XKR6: variants seen among roughly 807,000 people sequenced by gnomAD.
The protein encoded by XKR6 is XK-related protein 6.
Under a neutral mutation model 56.7 loss-of-function variants are expected in XKR6, and 22 were observed. The observed-to-expected ratio is 0.39, with a 90% CI of 0.28 to 0.55. The LOEUF (loss-of-function observed/expected upper bound fraction) is 0.55, where lower values mean the gene tolerates loss of function less well. Among genes scored for constraint, XKR6 ranks in the 20% least tolerant of loss-of-function variants. The pLI is 0.66. For missense variants in XKR6, 852 were observed against 889.0 expected, an observed-to-expected ratio of 0.96 and a Z score of 0.53; for synonymous variants, 524 against 387.8, an observed-to-expected ratio of 1.35 and a Z score of -4.13.
At chr8:11,173,366 TACACACACAC>T (rs528628983) in intron 1 of XKR6, among the ~76,000 whole-genome samples, 2 of 143,958 alleles carry the variant, frequency 1.4e-5, no homozygotes, top group Non-Finnish European at 3.0e-5. Context: ...TATATATATA[TACACACACAC>T]ACACACACAC....
intron 1 of XKR6, among the ~76,000 whole-genome samples, chr8:11,006,920 G>A (rs1044781023): frequency 6.6e-5 from 10 of 151,178 alleles, no homozygotes; most frequent in South Asian, 2.1e-4. Flanking sequence ...GCCTCAGGGC[G>A]TGAATATGAT....
At chr8:11,079,467 C>T (rs945316142) in intron 1 of XKR6, among the ~76,000 whole-genome samples, 4 of 152,172 alleles carry the variant, frequency 2.6e-5, no homozygotes, top group African/African-American at 9.7e-5. Context: ...TAAAATCTGT[C>T]TATCTGCATA....
chr8:11,145,815 G>T (rs1200975544), intron 1 of XKR6, among the ~76,000 whole-genome samples: 5 of 152,072 alleles, frequency 3.3e-5, no homozygotes. Context: ...CAAAATCCTA[G>T]CACACTGTTT....
At chr8:11,168,675 G>A (rs1418306438) in intron 1 of XKR6, among the ~76,000 whole-genome samples, 1 of 152,180 alleles carries the variant, frequency 6.6e-6, no homozygotes, top group Non-Finnish European at 1.5e-5. Flanking sequence ...TAAAAAGACT[G>A]AAGTCATACA....
chr8:11,000,992 G>C (rs763430045), intron 1 of XKR6, among the ~76,000 whole-genome samples: 1 of 152,094 alleles, frequency 6.6e-6, no homozygotes, highest in Non-Finnish European at 1.5e-5. Context: ...CCCTTCCTCT[G>C]ATTCAGAAGG....
intron 1 of XKR6, among the ~76,000 whole-genome samples, chr8:11,020,166 G>T (rs553984832): frequency 6.5e-4 from 99 of 152,256 alleles, no homozygotes; most frequent in African/African-American, 2.0e-3. Flanking sequence ...TACAGGGCAG[G>T]CATAGGATGA....
At chr8:10,975,379 C>G in intron 1 of XKR6, among the ~76,000 whole-genome samples, 1 of 152,222 alleles carries the variant, frequency 6.6e-6, no homozygotes, top group South Asian at 2.1e-4. Context: ...AGTGTCCTCC[C>G]CAGCGCGCCT....
At chr8:10,962,616 G>T (rs1456775518) in intron 1 of XKR6, among the ~76,000 whole-genome samples, 1 of 151,994 alleles carries the variant, frequency 6.6e-6, no homozygotes, top group African/African-American at 2.4e-5. Flanking sequence ...TGGTTCATCT[G>T]GTTTTTGTTT....
At chr8:11,097,807 C>CAAAAAAAAA (rs1196874380) in intron 1 of XKR6, among the ~76,000 whole-genome samples, 21 of 62,934 alleles carry the variant, frequency 3.3e-4, no homozygotes, top group African/African-American at 1.2e-3. Context: ...GACTCCATCT[C>CAAAAAAAAA]AAAAAAAAAA....
intron 1 of XKR6, among the ~76,000 whole-genome samples, chr8:10,957,598 G>A (rs1413206212): frequency 6.6e-6 from 1 of 152,234 alleles, no homozygotes; most frequent in Non-Finnish European, 1.5e-5. Flanking sequence ...CCAACAGGAA[G>A]GAAAATGAGA....
chr8:10,931,465 T>C (rs935484651), intron 1 of XKR6, among the ~76,000 whole-genome samples: 6 of 152,086 alleles, frequency 3.9e-5, no homozygotes, highest in Non-Finnish European at 8.8e-5. Flanking sequence ...GTCAAAACAA[T>C]TCTAAAAGTG....
chr8:11,128,497 C>G (rs1799939782), intron 1 of XKR6, among the ~76,000 whole-genome samples: 1 of 152,190 alleles, frequency 6.6e-6, no homozygotes, highest in Admixed American at 6.5e-5. Flanking sequence ...AATGCCTGAT[C>G]TTCCGAATGA....
At chr8:11,025,250 C>T (rs568671433) in intron 1 of XKR6, among the ~76,000 whole-genome samples, 11 of 152,194 alleles carry the variant, frequency 7.2e-5, no homozygotes, top group Non-Finnish European at 1.2e-4. Flanking sequence ...CATGTCTACT[C>T]GAATAAAAAC....
At chr8:11,173,412 TATAC>T (rs1179299135) in intron 1 of XKR6, among the ~76,000 whole-genome samples, 1 of 150,364 alleles carries the variant, frequency 6.7e-6, no homozygotes, top group East Asian at 1.9e-4. Context: ...TATATATACA[TATAC>T]ATATATATAT....
Position 11,132,226 on chromosome 8 carries a change from T to C in XKR6, c.764+68350A>G, listed in dbSNP as rs182024234. Among the ~76,000 whole-genome samples, 504 of 152,260 alleles carry C rather than the reference T, an allele frequency of 3.3e-3. 6 individuals are homozygous for C. Among genetic ancestry groups the C allele is most frequent in the African/African-American group, 0.012 (478 of 41,520 alleles). Reference sequence around the variant, plus strand: ...AATCAGTTGTCTTTGAGACAAGTTATCCTCAAGATCAAAGTGAATGCATCA... The same window carrying C: ...AATCAGTTGTCTTTGAGACAAGTTACCCTCAAGATCAAAGTGAATGCATCA... On this transcript the variant is annotated intron_variant, in intron 1 of 2. Coordinates refer to ENST00000416569, the MANE Select transcript of XKR6 (RefSeq NM_173683.4).
intron 1 of XKR6, among the ~76,000 whole-genome samples, chr8:11,186,895 G>A (rs937336336): frequency 6.6e-6 from 1 of 152,152 alleles, no homozygotes; most frequent in Admixed American, 6.5e-5. Context: ...CATACGCATT[G>A]TGGATTTACT....
At chr8:10,961,497 C>T (rs1802059545) in intron 1 of XKR6, among the ~76,000 whole-genome samples, 1 of 152,210 alleles carries the variant, frequency 6.6e-6, no homozygotes, top group Non-Finnish European at 1.5e-5. Context: ...AGAACCCAGG[C>T]CCAGCCTTGG....
chr8:10,968,935 C>A (rs1802315312), intron 1 of XKR6, among the ~76,000 whole-genome samples: 2 of 152,192 alleles, frequency 1.3e-5, no homozygotes, highest in Non-Finnish European at 2.9e-5. Context: ...TTATTCCTAA[C>A]TTCCAATTTA....
At chr8:10,937,948 T>G (rs2129122465) in intron 1 of XKR6, among the ~76,000 whole-genome samples, 1 of 151,318 alleles carries the variant, frequency 6.6e-6, no homozygotes. Context: ...GCTTCCCGGC[T>G]GCTTTGTTTA....
Sources: gnomAD v4.1 joint callset for allele counts (sites outside exome capture counted in the v4.1 genomes callset) on GRCh38, gnomAD v4.1.1 for gene constraint, MANE v1.5 for transcripts, NCBI Gene and HGNC (gene_info 2026-07-23, HGNC 2026-07-21) for gene names.